ZMYM1: variants seen among roughly 807,000 people sequenced by gnomAD.
ZMYM1 encodes the protein zinc finger MYM-type containing 1.
A neutral mutation model predicts 60.0 loss-of-function variants in ZMYM1; 39 were observed. That is an observed-to-expected ratio of 0.65 (90% CI 0.50 to 0.85). ZMYM1 has a LOEUF of 0.85. Among genes scored for constraint, ZMYM1 ranks in the 40% least tolerant of loss-of-function variants. ZMYM1 has a pLI of 0.00. For missense variants in ZMYM1, 1,171 were observed against 1,309.5 expected (o/e 0.89, Z 1.63); for synonymous variants, 413 against 454.0 (o/e 0.91, Z 1.15).
chr1:35,064,185 G>A (rs561686886), intron 1 of ZMYM1, among the ~76,000 whole-genome samples: 5 of 151,292 alleles, frequency 3.3e-5, no homozygotes, highest in South Asian at 4.2e-4. Context: ...TCAGCCGGGC[G>A]TGATTGTGCA....
At chr1:35,102,278 A>G (rs1304561053) in intron 4 of ZMYM1, among the ~76,000 whole-genome samples, 1 of 152,164 alleles carries the variant, frequency 6.6e-6, no homozygotes, top group Non-Finnish European at 1.5e-5. Context: ...AACTTTTTGT[A>G]CCATGTGGAT....
rs1442755231 is a variant in ZMYM1, at chr1:35,113,087, C to T, written c.1257C>T (p.Ser419=). The T allele has an allele frequency of 6.2e-7, 1 of 1,613,956 alleles. No individual in the cohort carries two copies. Residue 419 remains serine (S), a synonymous_variant, in exon 10 of 10, where the codon TCC becomes TCT. Coordinates refer to ENST00000359858, the MANE Select transcript of ZMYM1 (RefSeq NM_024772.5). ...SSVFSQHAIG[S]STEVQKDNMK... is the part of the protein sequence containing the mutation. Reference sequence around the variant, plus strand: ...TATTCAGTCAGCATGCAATTGGTTCCAGTACAGAAGTACAAAAAGACAATA... The same window carrying T: ...TATTCAGTCAGCATGCAATTGGTTCTAGTACAGAAGTACAAAAAGACAATA...
intron 9 of ZMYM1, 65 bp from the exon 10 acceptor site, chr1:35,112,912 T>C: frequency 7.4e-7 from 1 of 1,357,340 alleles, no homozygotes; most frequent in South Asian, 1.8e-5. Context: ...TTAGAGTAGA[T>C]ATATTTGATA....
At chr1:35,111,101 A>G (rs994386482) in intron 7 of ZMYM1, among the ~76,000 whole-genome samples, 9 of 152,174 alleles carry the variant, frequency 5.9e-5, no homozygotes, top group African/African-American at 1.9e-4. Flanking sequence ...GACTGCTTTT[A>G]TTAGAATATA....
At position 35,113,819 on chromosome 1, in the gene ZMYM1, A is replaced by T. The variant is rs1553146776; in HGVS notation, c.1989A>T (p.Val663=). The change falls in exon 10 of 10, where the codon GTA becomes GTT. Residue 663 remains valine (V), a synonymous_variant. Transcript: ENST00000359858. Reference sequence around the variant, plus strand: ...TGAAAGAACAGCTTTCAATTTGTGTAAGATACCCACAAAAATCATCAAAGG... The same window carrying T: ...TGAAAGAACAGCTTTCAATTTGTGTTAGATACCCACAAAAATCATCAAAGG... ...SAMKEQLSIC[V]RYPQKSSKAI... The T allele has an allele frequency of 6.2e-7, 1 of 1,613,842 alleles. No homozygotes were observed. Among genetic ancestry groups the T allele is most frequent in the Non-Finnish European group, 8.5e-7 (1 of 1,179,862 alleles).
chr1:35,097,239 A>T, intron 3 of ZMYM1, 78 bp from the exon 4 acceptor site: 1 of 1,487,400 alleles, frequency 6.7e-7, no homozygotes, highest in Non-Finnish European at 9.0e-7. Flanking sequence ...CTAAAAAAAG[A>T]AAGAAAGAAA....
intron 1 of ZMYM1, among the ~76,000 whole-genome samples, chr1:35,071,633 C>T (rs1286891871): frequency 6.6e-6 from 1 of 152,136 alleles, no homozygotes; most frequent in Non-Finnish European, 1.5e-5. Flanking sequence ...TGCACCCAGC[C>T]TTCCAGTTTG....
intron 6 of ZMYM1, among the ~76,000 whole-genome samples, chr1:35,108,760 G>A (rs183473959): frequency 1.6e-4 from 24 of 148,550 alleles, no homozygotes; most frequent in African/African-American, 5.5e-4. Context: ...GATGGAGGCT[G>A]GAGTGCATGG....
intron 6 of ZMYM1, among the ~76,000 whole-genome samples, chr1:35,105,520 G>T (rs182597836): frequency 1.3e-5 from 2 of 152,034 alleles, no homozygotes. Context: ...TGCAACCTCC[G>T]CCTCCCAGGT....
chr1:35,077,750 C>T (rs1642192539), upstream of ZMYM1, among the ~76,000 whole-genome samples: 1 of 152,186 alleles, frequency 6.6e-6, no homozygotes, highest in African/African-American at 2.4e-5. Context: ...CTTCCCCCCA[C>T]CCACCAGTTG....
intron 1 of ZMYM1, among the ~76,000 whole-genome samples, chr1:35,089,738 C>CTTTTTTTTTTTTTTTTTTTTT (rs71029065): frequency 1.6e-5 from 1 of 60,980 alleles, no homozygotes; most frequent in Non-Finnish European, 2.7e-5. Context: ...AGTTGTAAGG[C>CTTTTTTTTTTTTTTTTTTTTT]TTTTTTTTTT....
intron 4 of ZMYM1, among the ~76,000 whole-genome samples, chr1:35,101,880 A>G (rs1643679258): frequency 6.6e-6 from 1 of 152,108 alleles, no homozygotes; most frequent in South Asian, 2.1e-4. Context: ...GCTGTTCTCA[A>G]ACTTTCTGGT....
intron 1 of ZMYM1, among the ~76,000 whole-genome samples, chr1:35,084,776 G>A (rs1642569385): frequency 1.3e-5 from 2 of 152,220 alleles, no homozygotes; most frequent in South Asian, 2.1e-4. Context: ...TTAGGAGTCC[G>A]CCAATGACTT....
chr1:35,064,516 A>G (rs992133448), intron 1 of ZMYM1, among the ~76,000 whole-genome samples: 1 of 152,040 alleles, frequency 6.6e-6, no homozygotes, highest in East Asian at 1.9e-4. Flanking sequence ...TTTCAAGTAC[A>G]TGAGGAACAT....
At chr1:35,093,837 T>A (rs1266893577) in intron 1 of ZMYM1, 77 bp from the exon 2 acceptor site, 1 of 523,172 alleles carries the variant, frequency 1.9e-6, no homozygotes, top group Admixed American at 3.7e-5. Context: ...CTAAAGACCC[T>A]TTTGTGGTTC....
At chr1:35,108,570 C>CT (rs772659110) in intron 6 of ZMYM1, among the ~76,000 whole-genome samples, 1 of 152,024 alleles carries the variant, frequency 6.6e-6, no homozygotes, top group Non-Finnish European at 1.5e-5. Context: ...CCAGGCTGGT[C>CT]TTGAACTCCT....
chr1:35,064,131 C>G (rs765213103), intron 1 of ZMYM1, among the ~76,000 whole-genome samples: 3 of 151,984 alleles, frequency 2.0e-5, no homozygotes, highest in Non-Finnish European at 4.4e-5. Context: ...CAAGACCAGC[C>G]TGACCAACCT....
At chr1:35,089,960 A>G (rs1046206139) in intron 1 of ZMYM1, among the ~76,000 whole-genome samples, 3 of 145,888 alleles carry the variant, frequency 2.1e-5, no homozygotes, top group Non-Finnish European at 4.5e-5. Context: ...GCTGGAGTGT[A>G]GTGGCGCGAT....
intron 1 of ZMYM1, among the ~76,000 whole-genome samples, chr1:35,064,650 A>T (rs1641936926): frequency 6.6e-6 from 1 of 151,710 alleles, no homozygotes; most frequent in Non-Finnish European, 1.5e-5. Flanking sequence ...AGATAACAGG[A>T]AATCTCCAAA....
Sources: gnomAD v4.1 joint callset for allele counts (sites outside exome capture counted in the v4.1 genomes callset) on GRCh38, gnomAD v4.1.1 for gene constraint, MANE v1.5 for transcripts, NCBI Gene and HGNC (gene_info 2026-07-23, HGNC 2026-07-21) for gene names.